EDEM3: variants seen among roughly 807,000 people sequenced by gnomAD.
EDEM3 encodes the protein ER degradation enhancing alpha-mannosidase like protein 3.
Under a neutral mutation model 110.2 loss-of-function variants are expected in EDEM3, and 60 were observed. The ratio of observed to expected loss-of-function variants is 0.54; its 90% CI spans 0.44 to 0.67. The LOEUF is 0.67. Among genes scored for constraint, EDEM3 ranks in the 30% least tolerant of loss-of-function variants. EDEM3 has a pLI of 0.00. For missense variants in EDEM3, 996 were observed against 1,121.0 expected (o/e 0.89, Z 1.59); for synonymous variants, 352 against 382.9 (o/e 0.92, Z 0.94).
chr1:184,711,855 T>A lies in EDEM3; in HGVS notation c.1559A>T (p.Asp520Val), dbSNP rs746669081. 3.7e-6 allele frequency: 6 copies of A among 1,612,572 alleles called. No homozygotes were observed. Among genetic ancestry groups the A allele is most frequent in the Non-Finnish European group, 5.1e-6 (6 of 1,179,234 alleles). Residue 520 changes from aspartate (D) to valine (V), a missense_variant, in exon 15 of 20, where the codon GAT becomes GTT. Asp to Val is a radical substitution (Grantham distance 152). This residue lies in a region of EDEM3 where 138 missense variants were observed against 124.3 expected (regional missense o/e 1.11). Transcript: ENST00000318130. ...KNTTSEYTEL[D>V]DSNFDWTCPN... ...ACAAGTCCAATCGAAGTTACTGTCA[T>A]CCAGTTCTGTATATTCCGAGGTCTA...
intron 12 of EDEM3, among the ~76,000 whole-genome samples, chr1:184,717,326 T>C (rs1650607114): frequency 6.6e-6 from 1 of 152,170 alleles, no homozygotes; most frequent in Non-Finnish European, 1.5e-5. Context: ...TTTAAAGAAA[T>C]GTTTACATAA....
intron 7 of EDEM3, among the ~76,000 whole-genome samples, chr1:184,725,521 A>G (rs1239957453): frequency 6.6e-6 from 1 of 152,068 alleles, no homozygotes; most frequent in Non-Finnish European, 1.5e-5. Flanking sequence ...ACAGACATAC[A>G]TTCAAAGGCA....
intron 6 of EDEM3, among the ~76,000 whole-genome samples, chr1:184,728,409 CT>C (rs746080231): frequency 6.6e-6 from 1 of 152,132 alleles, no homozygotes; most frequent in Non-Finnish European, 1.5e-5. Context: ...CTTTCAGTAT[CT>C]TTTCCCTTAA....
chr1:184,714,719 T>C (rs1320410609), intron 13 of EDEM3, among the ~76,000 whole-genome samples: 2 of 152,160 alleles, frequency 1.3e-5, no homozygotes, highest in African/African-American at 4.8e-5. Flanking sequence ...GCTAATGAGA[T>C]TCAACCTCTA....
rs1339208363 is a variant in EDEM3 at position 184,700,052 on chromosome 1, T to G, written c.2389+2759A>C. Among the ~76,000 whole-genome samples, 3 of 152,110 alleles carry G rather than the reference T, an allele frequency of 2.0e-5. No homozygotes were observed. The East Asian group carries it at 5.8e-4, about 29-fold the overall frequency. The stretch of plus-strand genomic sequence containing the variant: ...GAGAGATATGATATTGAAAATTCTG[T>G]TCAACAATAGACTGTGGATAGCTTA... On this transcript the variant is annotated intron_variant, in intron 19 of 19. Transcript: ENST00000318130.
At chr1:184,744,711 C>A (rs1652333355) in intron 2 of EDEM3, among the ~76,000 whole-genome samples, 1 of 151,942 alleles carries the variant, frequency 6.6e-6, no homozygotes, top group Non-Finnish European at 1.5e-5. Flanking sequence ...TCAATCAAAT[C>A]AACTAATACT....
chr1:184,731,995 T>C (rs1313966930), intron 6 of EDEM3, among the ~76,000 whole-genome samples: 1 of 151,996 alleles, frequency 6.6e-6, no homozygotes, highest in Non-Finnish European at 1.5e-5. Context: ...GCTAACACTG[T>C]GAAACCCCAT....
intron 2 of EDEM3, among the ~76,000 whole-genome samples, chr1:184,742,014 C>T (rs1306289852): frequency 6.6e-6 from 1 of 152,074 alleles, no homozygotes; most frequent in Non-Finnish European, 1.5e-5. Context: ...TCTTGAAATT[C>T]AGCAAAAAAA....
intron 11 of EDEM3, among the ~76,000 whole-genome samples, chr1:184,717,987 A>AT (rs1247558506): frequency 1.3e-5 from 2 of 151,856 alleles, no homozygotes; most frequent in African/African-American, 4.8e-5. Flanking sequence ...TCTCATATTT[A>AT]TTTTTAAATT....
chr1:184,711,944 T>TTGA, intron 14 of EDEM3, 67 bp from the exon 15 acceptor site: 188 of 1,241,626 alleles, frequency 1.5e-4, no homozygotes, highest in Non-Finnish European at 1.8e-4. Context: ...TTTTTTTTTT[T>TTGA]GAAATGGAGT....
Position 184,754,570 on chromosome 1 carries a change from G to A in EDEM3, c.77C>T (p.Ala26Val), listed in dbSNP as rs778169826. ...RARWRLVAAT[A>V]AFCLVSATSV... ...GGTGGCCGACACCAGGCAGAACGCG[G>A]CCGTCGCCGCCACTAGTCTCCATCG... The change falls in exon 1 of 20, where the codon GCC becomes GTC. Residue 26 changes from alanine to valine, a missense_variant. Around this residue, in one of 5 missense-constraint regions of EDEM3, gnomAD observed 200 missense variants for 183.8 expected, o/e 1.09. Transcript: ENST00000318130. 1 of 1,609,728 alleles carries A rather than the reference G, an allele frequency of 6.2e-7. No homozygotes were observed. Among genetic ancestry groups the A allele is most frequent in the Non-Finnish European group, 8.5e-7 (1 of 1,178,760 alleles).
intron 1 of EDEM3, among the ~76,000 whole-genome samples, chr1:184,753,516 C>A (rs759559681): frequency 6.6e-6 from 1 of 151,454 alleles, no homozygotes; most frequent in Non-Finnish European, 1.5e-5. Flanking sequence ...AGAAATAGAA[C>A]TGATGAATCA....
intron 6 of EDEM3, among the ~76,000 whole-genome samples, chr1:184,731,542 G>C (rs189406395): frequency 4.6e-5 from 7 of 151,958 alleles, no homozygotes; most frequent in African/African-American, 1.7e-4. Flanking sequence ...ACTACTTCAC[G>C]GTTCTCCTCT....
intron 15 of EDEM3, 94 bp from the exon 16 acceptor site, chr1:184,710,641 TG>T: frequency 1.4e-6 from 2 of 1,446,900 alleles, no homozygotes; most frequent in Admixed American, 2.4e-5. Flanking sequence ...CTTGCAAAAT[TG>T]CTAGTTTTAG....
At chr1:184,748,015 G>GTA (rs1333859417) in intron 2 of EDEM3, among the ~76,000 whole-genome samples, 1 of 152,166 alleles carries the variant, frequency 6.6e-6, no homozygotes, top group Non-Finnish European at 1.5e-5. Context: ...AGGTCTGAGG[G>GTA]TATAGGATGG....
chr1:184,717,423 C>A, intron 12 of EDEM3, 117 bp downstream of exon 12: 1 of 714,690 alleles, frequency 1.4e-6, no homozygotes, highest in Non-Finnish European at 2.3e-6. Context: ...CATGATATAT[C>A]CAATCATTAT....
In EDEM3 at chr1:184,691,721, T is replaced by C. The variant is rs999614365; in HGVS notation, c.*2342A>G. 1.7e-3 allele frequency: 266 copies of C among 152,294 alleles called. 3 individuals are homozygous for C. The highest frequency in any genetic ancestry group is 4.1e-4 in the South Asian group (2 of 4,830). The allele number at this position is 152,294 out of a possible 1,614,324, so 9.4% of individuals were successfully genotyped here. A position where few individuals can be genotyped will look rare whatever the true frequency, so the allele number is the denominator to read the frequency against. On this transcript the variant is annotated 3_prime_UTR_variant, in exon 20 of 20. Transcript: ENST00000318130. ...TAAGTAAATGAATGTAGAGTTGTAA[T>C]TACAACGTTGGAGTTTTTTAGACGA...
intron 15 of EDEM3, among the ~76,000 whole-genome samples, chr1:184,711,203 A>G (rs1269534044): frequency 1.3e-5 from 2 of 152,004 alleles, no homozygotes; most frequent in Admixed American, 1.3e-4. Flanking sequence ...GGTTCAAGCG[A>G]TTCTACTGCC....
At chr1:184,746,892 T>C (rs1652457399) in intron 2 of EDEM3, among the ~76,000 whole-genome samples, 1 of 152,092 alleles carries the variant, frequency 6.6e-6, no homozygotes, top group Admixed American at 6.5e-5. Flanking sequence ...TATTTTAGGA[T>C]AGTAGGCAAC....
Sources: allele counts gnomAD v4.1 joint callset (sites outside exome capture counted in the v4.1 genomes callset), GRCh38; gene constraint gnomAD v4.1.1; regional missense constraint gnomAD v4.1.1; transcripts MANE v1.5; gene names NCBI Gene and HGNC (gene_info 2026-07-23, HGNC 2026-07-21).